Variants in FLACC1 observed in about 807,000 individuals in gnomAD.
FLACC1 encodes the protein flagellum-associated coiled-coil domain-containing protein 1.
FLACC1 carries 66 observed loss-of-function variants against 62.8 expected under a neutral mutation model. The observed-to-expected ratio is 1.05, with a 90% confidence interval of 0.86 to 1.29. The LOEUF is 1.29. FLACC1 is among the 50% of genes most tolerant of loss of function. FLACC1 has a pLI of 0.00. For missense variants in FLACC1, 452 were observed against 489.1 expected (o/e 0.92, Z 0.71); for synonymous variants, 156 against 161.0 (o/e 0.97, Z 0.24).
At chr2:201,304,233 T>G (rs1211512916) in intron 11 of FLACC1, among the ~76,000 whole-genome samples, 1 of 152,144 alleles carries the variant, frequency 6.6e-6, no homozygotes, top group Non-Finnish European at 1.5e-5. Flanking sequence ...TTCAGCAAAG[T>G]CTCAGGATAC....
intron 11 of FLACC1, among the ~76,000 whole-genome samples, chr2:201,304,066 GA>G (rs1438596668): frequency 6.6e-6 from 1 of 152,178 alleles, no homozygotes; most frequent in East Asian, 1.9e-4. Context: ...CATAGTGTTG[GA>G]AGTTCTGGCC....
At chr2:201,327,445 G>A (rs1285963599) in intron 9 of FLACC1, among the ~76,000 whole-genome samples, 1 of 151,480 alleles carries the variant, frequency 6.6e-6, no homozygotes, top group South Asian at 2.1e-4. Context: ...AATCTACAAG[G>A]AATTCAAACA....
Position 201,344,185 on chromosome 2 carries a change from C to A in FLACC1, c.447G>T (p.Gln149His), listed in dbSNP as rs779652560. The change falls in exon 6 of 15, where the codon CAG (glutamine) becomes CAT (histidine). Residue 149 changes from glutamine (Q) to histidine (H), a missense_variant. Around this residue, in one of 3 missense-constraint regions of FLACC1, gnomAD observed 301 missense variants for 318.4 expected, o/e 0.95. Transcript: ENST00000392257. ...AIIEQMNRDHQSAQKLLSSEM... is the reference protein window; with the variant it reads ...AIIEQMNRDHHSAQKLLSSEM... ...GGTCACTCACCAATTTCTGGGCAGA[C>A]TGGTGGTCTCTGTTCATTTGTTCAA... 6 of 1,612,446 alleles carry A rather than the reference C, an allele frequency of 3.7e-6. No individual in the cohort carries two copies. In the South Asian group the frequency reaches 6.6e-5, roughly 18 times the overall value.
At chr2:201,355,520 G>A (rs1250263303) in intron 1 of FLACC1, among the ~76,000 whole-genome samples, 1 of 150,718 alleles carries the variant, frequency 6.6e-6, no homozygotes, top group African/African-American at 2.4e-5. Context: ...TCTTTCCCAT[G>A]ATAAACAATG....
At chr2:201,311,194 A>G (rs1950211129) in intron 9 of FLACC1, among the ~76,000 whole-genome samples, 1 of 151,948 alleles carries the variant, frequency 6.6e-6, no homozygotes, top group South Asian at 2.1e-4. Flanking sequence ...AGAAAGATTC[A>G]CAGCCAAATT....
At chr2:201,309,121 C>T in intron 10 of FLACC1, 30 bp downstream of exon 10, 1 of 1,586,682 alleles carries the variant, frequency 6.3e-7, no homozygotes. Flanking sequence ...ATGCACTTGT[C>T]ATCAAAAAAG....
intron 1 of FLACC1, among the ~76,000 whole-genome samples, chr2:201,356,627 A>G (rs1237668222): frequency 6.6e-6 from 1 of 152,252 alleles, no homozygotes; most frequent in Non-Finnish European, 1.5e-5. Flanking sequence ...GTAGAGAAGC[A>G]TAATAGATTT....
rs1576447085 is a variant in FLACC1 at position 201,323,805 on chromosome 2, T to TAAAAAAAAA, written c.675+6664_675+6665insTTTTTTTTT. 9.7e-4 allele frequency among the ~76,000 whole-genome samples: 77 copies of TAAAAAAAAA among 79,266 alleles called. 2 individuals carry two copies. The highest frequency in any genetic ancestry group is 2.7e-3 in the African/African-American group (57 of 21,350). 52.0% of individuals were successfully genotyped at this position (79,266 alleles called of 152,430 possible). A position where few individuals can be genotyped will look rare whatever the true frequency, so the allele number is the denominator to read the frequency against. ...CTATCAAAAAAAAAAAAAAAAAAAG[T>TAAAAAAAAA]AAGGAAGGAAGGAAGGAAAGAAAAG... On this transcript the variant is annotated intron_variant, in intron 9 of 14. Transcript: ENST00000392257.
rs923069483 is a variant in FLACC1 at position 201,326,238 on chromosome 2, C to G, written c.675+4232G>C. On this transcript the variant is annotated intron_variant, in intron 9 of 14. Transcript: ENST00000392257. The surrounding 1 kb of genome is among the most constrained non-coding windows in gnomAD (Gnocchi z 4.1). Reference sequence around the variant, plus strand: ...GAATGGAAAAAAGTTGAAAGCATTCCCCTTGAGAACCGGAACAAGACAAGA... The same window carrying G: ...GAATGGAAAAAAGTTGAAAGCATTCGCCTTGAGAACCGGAACAAGACAAGA... Among the ~76,000 whole-genome samples, 1 of 152,128 alleles carries G rather than the reference C, an allele frequency of 6.6e-6. No individual in the cohort carries two copies. Among genetic ancestry groups the G allele is most frequent in the African/African-American group, 2.4e-5 (1 of 41,412 alleles).
chr2:201,356,117 T>G (rs1243339294), intron 1 of FLACC1, among the ~76,000 whole-genome samples: 1 of 152,134 alleles, frequency 6.6e-6, no homozygotes, highest in African/African-American at 2.4e-5. Context: ...TGCAAGGGGC[T>G]TGGACAATGG....
At chr2:201,334,810 A>C (rs1010366450) in intron 7 of FLACC1, among the ~76,000 whole-genome samples, 5 of 152,108 alleles carry the variant, frequency 3.3e-5, no homozygotes, top group African/African-American at 1.2e-4. Flanking sequence ...CTAAAAAAAA[A>C]ATCATGTGAA....
chr2:201,330,788 G>A lies in FLACC1; in HGVS notation c.570C>T (p.Asn190=), dbSNP rs763813813. 3 of 1,613,830 alleles carry A rather than the reference G, an allele frequency of 1.9e-6. 1 individual carries two copies. ...CTGCCTTCAAGGCTGCTTTGTAGTT[G>A]TTCTCCAACTCACTGAGTTCTGCTT... ...AHEAELSELE[N]NYKAALKAEK... is the part of the protein sequence containing the mutation. Residue 190 remains asparagine (N), a synonymous_variant, in exon 8 of 15, where the codon AAC becomes AAT. Transcript: ENST00000392257.
chr2:201,351,346 C>T lies in FLACC1; in HGVS notation c.59G>A (p.Arg20Gln), dbSNP rs142397497. ...TAGTTGAGGGGTCTTGATTAGCTTCCGTGGTCCCAAGTTCCAGGGGTCCCA... is the reference window on the plus strand; with the variant it reads ...TAGTTGAGGGGTCTTGATTAGCTTCTGTGGTCCCAAGTTCCAGGGGTCCCA... ...TCWDPWNLGP[R>Q]KLIKTPQLPR... is the part of the protein sequence containing the mutation. The change falls in exon 2 of 15, where the codon CGG becomes CAG. Residue 20 changes from arginine (R) to glutamine (Q), a missense_variant. Arg to Gln is a conservative substitution (Grantham distance 43). This residue lies in a region of FLACC1 where 147 missense variants were observed against 152.7 expected (regional missense o/e 0.96). Coordinates refer to ENST00000392257, the MANE Select transcript of FLACC1 (RefSeq NM_001127391.3). 4.2e-5 allele frequency: 68 copies of T among 1,614,116 alleles called. No individual in the cohort carries two copies. Among genetic ancestry groups the T allele is most frequent in the South Asian group, 1.8e-4 (16 of 91,082 alleles).
rs371563666 is a variant in FLACC1, at chr2:201,330,723, G to A, written c.622+13C>T. Reference sequence around the variant, plus strand: ...CCTTCATCCAGGGTCATTCTCCCAGGTCCCAGCAGTACCTAGCTTCTCTTG... The same window carrying A: ...CCTTCATCCAGGGTCATTCTCCCAGATCCCAGCAGTACCTAGCTTCTCTTG... On this transcript the variant is annotated intron_variant, in intron 8 of 14. Coordinates refer to ENST00000392257, the MANE Select transcript of FLACC1 (RefSeq NM_001127391.3). The A allele has an allele frequency of 1.1e-4, 172 of 1,612,816 alleles. No homozygotes were observed. The African/African-American group carries it at 1.8e-3, about 17-fold the overall frequency.
chr2:201,351,215 A>T, intron 2 of FLACC1, 77 bp downstream of exon 2: 1 of 1,283,608 alleles, frequency 7.8e-7, no homozygotes, highest in Non-Finnish European at 1.1e-6. Context: ...TTGCTGTTTT[A>T]GAAATCTTGT....
At chr2:201,352,902 G>A (rs1324322303) in intron 1 of FLACC1, among the ~76,000 whole-genome samples, 1 of 152,190 alleles carries the variant, frequency 6.6e-6, no homozygotes, top group Non-Finnish European at 1.5e-5. Flanking sequence ...TGAGGAAAAG[G>A]TCCAGGAGCC....
At chr2:201,330,971 CTT>C (rs375781288) in intron 7 of FLACC1, 138 bp from the exon 8 acceptor site, 13,560 of 409,794 alleles carry the variant, frequency 0.033, no homozygotes, top group South Asian at 0.046. Context: ...ATTTTTAAAT[CTT>C]TTTTTTTTTT....
At chr2:201,314,266 C>A (rs1347148435) in intron 9 of FLACC1, among the ~76,000 whole-genome samples, 2 of 150,858 alleles carry the variant, frequency 1.3e-5, no homozygotes, top group African/African-American at 4.9e-5. Flanking sequence ...CAGAGAAAGG[C>A]AAAGCCCAAT....
chr2:201,344,278 A>C lies in FLACC1; in HGVS notation c.369-15T>G. 6.3e-7 allele frequency: 1 copy of C among 1,574,994 alleles called. No individual in the cohort carries two copies. Among genetic ancestry groups the C allele is most frequent in the Non-Finnish European group, 8.7e-7 (1 of 1,144,736 alleles). Reference sequence around the variant, plus strand: ...TGATGTTGGTCCTGTAGGAGAAGTAATTCTTCTATCATCCACAAAGCTTAC... The same window carrying C: ...TGATGTTGGTCCTGTAGGAGAAGTACTTCTTCTATCATCCACAAAGCTTAC... On this transcript the variant is annotated splice_polypyrimidine_tract_variant and intron_variant, in intron 5 of 14. Coordinates refer to ENST00000392257, the MANE Select transcript of FLACC1 (RefSeq NM_001127391.3).
Sources: allele counts gnomAD v4.1 joint callset (sites outside exome capture counted in the v4.1 genomes callset), GRCh38; gene constraint gnomAD v4.1.1; regional missense constraint gnomAD v4.1.1; non-coding constraint Gnocchi (gnomAD v3.1); transcripts MANE v1.5; gene names NCBI Gene and HGNC (gene_info 2026-07-23, HGNC 2026-07-21).